The following RSPO3 variants were observed in gnomAD, a reference collection of about 807,000 sequenced individuals.
The protein encoded by RSPO3 is R-spondin-3.
Under a neutral mutation model 36.5 loss-of-function variants are expected in RSPO3, and 17 were observed. The observed-to-expected ratio is 0.47, with a 90% CI of 0.32 to 0.70. RSPO3 has a LOEUF of 0.70. Ranked by LOEUF, RSPO3 falls within the 30% of genes least tolerant of loss-of-function variation. RSPO3 has a pLI of 0.04. For missense variants in RSPO3, 294 were observed against 322.5 expected (o/e 0.91, Z 0.68); for synonymous variants, 108 against 107.0 (o/e 1.01, Z -0.06).
At chr6:127,137,433 G>T (rs1774182221) in intron 1 of RSPO3, among the ~76,000 whole-genome samples, 1 of 152,072 alleles carries the variant, frequency 6.6e-6, no homozygotes, top group Non-Finnish European at 1.5e-5. Flanking sequence ...AATTGTATGG[G>T]CTTTCCCCAA....
Position 127,122,688 on chromosome 6 carries a change from G to T in RSPO3, c.97+3399G>T, listed in dbSNP as rs556648058. Among the ~76,000 whole-genome samples, 93 of 152,222 alleles carry T rather than the reference G, an allele frequency of 6.1e-4. 1 individual carries two copies. Among genetic ancestry groups the T allele is most frequent in the African/African-American group, 2.2e-3 (91 of 41,572 alleles). ...AAGTAATAAATTAGATGGTCTCAAGGCCATCATTTATTCAATAGGTTTAGA... is the reference window on the plus strand; with the variant it reads ...AAGTAATAAATTAGATGGTCTCAAGTCCATCATTTATTCAATAGGTTTAGA... On this transcript the variant is annotated intron_variant, in intron 1 of 4. Coordinates refer to ENST00000356698, the MANE Select transcript of RSPO3 (RefSeq NM_032784.5).
intron 1 of RSPO3, among the ~76,000 whole-genome samples, chr6:127,146,418 A>G (rs765791091): frequency 8.5e-5 from 13 of 152,154 alleles, no homozygotes; most frequent in Non-Finnish European, 1.6e-4. Context: ...TCATAATTTC[A>G]GTGGATACAG....
Position 127,156,562 on chromosome 6 carries a change from C to G in RSPO3, c.634+1124C>G, listed in dbSNP as rs146412799. On this transcript the variant is annotated intron_variant, in intron 4 of 4. Transcript: ENST00000356698. The stretch of plus-strand genomic sequence containing the variant: ...TCTGTAGTTGACCTTTCTTATTTCT[C>G]CATAGTTGACCTTTATTAGGTTATT... 2.0e-4 allele frequency among the ~76,000 whole-genome samples: 31 copies of G among 152,242 alleles called. 1 individual carries two copies. The East Asian group carries it at 5.2e-3, about 26-fold the overall frequency.
At chr6:127,144,108 G>A (rs1366983676) in intron 1 of RSPO3, among the ~76,000 whole-genome samples, 1 of 152,174 alleles carries the variant, frequency 6.6e-6, no homozygotes, top group African/African-American at 2.4e-5. Context: ...GTAGGTTTAA[G>A]TTATGTATCA....
At chr6:127,154,619 G>T (rs1277894487) in intron 3 of RSPO3, among the ~76,000 whole-genome samples, 3 of 152,168 alleles carry the variant, frequency 2.0e-5, no homozygotes, top group Non-Finnish European at 4.4e-5. Flanking sequence ...AGCAAAGGCA[G>T]TAAATAGTAG....
intron 1 of RSPO3, among the ~76,000 whole-genome samples, chr6:127,145,933 G>C (rs1774373953): frequency 6.6e-6 from 1 of 152,080 alleles, no homozygotes; most frequent in African/African-American, 2.4e-5. Flanking sequence ...CATATAAAAA[G>C]TAAAATCTCT....
chr6:127,188,959 G>A (rs1775352676), intron 4 of RSPO3, among the ~76,000 whole-genome samples: 1 of 152,094 alleles, frequency 6.6e-6, no homozygotes, highest in Non-Finnish European at 1.5e-5. Flanking sequence ...GAGGCAGAAG[G>A]GTGCTGTGGT....
At chr6:127,184,485 T>C (rs1775251044) in intron 4 of RSPO3, among the ~76,000 whole-genome samples, 1 of 151,644 alleles carries the variant, frequency 6.6e-6, no homozygotes. Context: ...GGAAGAGGAG[T>C]GAAATCTACT....
intron 1 of RSPO3, among the ~76,000 whole-genome samples, chr6:127,145,564 C>T (rs1774368104): frequency 6.6e-6 from 1 of 152,108 alleles, no homozygotes; most frequent in Non-Finnish European, 1.5e-5. Context: ...TACTTATGCA[C>T]CAGTTGCATC....
At chr6:127,162,672 T>G (rs1180238789) in intron 4 of RSPO3, among the ~76,000 whole-genome samples, 1 of 152,172 alleles carries the variant, frequency 6.6e-6, no homozygotes, top group Non-Finnish European at 1.5e-5. Flanking sequence ...ATTCTTTTCA[T>G]CATAGATCTT....
chr6:127,139,828 G>A (rs1469558444), intron 1 of RSPO3, among the ~76,000 whole-genome samples: 2 of 152,044 alleles, frequency 1.3e-5, no homozygotes, highest in Non-Finnish European at 2.9e-5. Flanking sequence ...CTTGGAGAAG[G>A]GGAAGCTTTC....
chr6:127,167,971 T>C (rs990283671), intron 4 of RSPO3, among the ~76,000 whole-genome samples: 3 of 152,172 alleles, frequency 2.0e-5, no homozygotes, highest in Non-Finnish European at 4.4e-5. Flanking sequence ...TAGTATTCCA[T>C]GGTGTATATG....
rs752920658 is a variant in RSPO3, at chr6:127,196,034, CATG to C, written c.*31_*33del. 222 of 1,547,790 alleles carry C rather than the reference CATG, an allele frequency of 1.4e-4. No homozygotes were observed. Among genetic ancestry groups the C allele is most frequent in the Non-Finnish European group, 1.9e-4 (218 of 1,143,202 alleles). ...GGGTTCCATGAGATTATTGTAGACT[CATG>C]ATGCTGCTATCTCAACCAGATGCCC... On this transcript the variant is annotated 3_prime_UTR_variant, in exon 5 of 5. Coordinates refer to ENST00000356698, the MANE Select transcript of RSPO3 (RefSeq NM_032784.5).
chr6:127,160,410 C>A (rs1331445266), intron 4 of RSPO3, among the ~76,000 whole-genome samples: 1 of 152,088 alleles, frequency 6.6e-6, no homozygotes, highest in Non-Finnish European at 1.5e-5. Flanking sequence ...CTTGGCTTAG[C>A]CCAGAAAAGA....
At chr6:127,156,123 T>C (rs1936809) in intron 4 of RSPO3, among the ~76,000 whole-genome samples, 83,473 of 151,904 alleles carry the variant, frequency 0.55, 23,078 homozygotes, top group African/African-American at 0.62. Context: ...TTTATGAATA[T>C]AGCAAAATCA....
Position 127,119,001 on chromosome 6 carries a change from A to G in RSPO3, c.-192A>G. 2.1e-6 allele frequency: 1 copy of G among 478,998 alleles called. No individual in the cohort carries two copies. Among genetic ancestry groups the G allele is most frequent in the Non-Finnish European group, 3.7e-6 (1 of 272,398 alleles). 29.7% of individuals were successfully genotyped at this position (478,998 alleles called of 1,614,324 possible). On this transcript the variant is annotated 5_prime_UTR_variant, in exon 1 of 5. Transcript: ENST00000356698. ...AGTGCTTGGATAATTTGAAAGTACA[A>G]TAGTTGGTTTCCCTGTCCACCCGCC...
intron 4 of RSPO3, among the ~76,000 whole-genome samples, chr6:127,157,002 T>C (rs1312760376): frequency 6.6e-6 from 1 of 152,196 alleles, no homozygotes; most frequent in Non-Finnish European, 1.5e-5. Flanking sequence ...ACATGGGTTA[T>C]TTAAAGAGAA....
At chr6:127,157,703 C>G (rs888787463) in intron 4 of RSPO3, among the ~76,000 whole-genome samples, 1 of 151,964 alleles carries the variant, frequency 6.6e-6, no homozygotes, top group African/African-American at 2.4e-5. Flanking sequence ...ATATGAATCA[C>G]ATTTACAATT....
At chr6:127,121,305 G>T (rs1773840409) in intron 1 of RSPO3, among the ~76,000 whole-genome samples, 1 of 152,244 alleles carries the variant, frequency 6.6e-6, no homozygotes, top group Non-Finnish European at 1.5e-5. Flanking sequence ...GCTGCCTCAG[G>T]GAGCTGTGGG....
Sources: gnomAD v4.1 joint callset for allele counts (sites outside exome capture counted in the v4.1 genomes callset) on GRCh38, gnomAD v4.1.1 for gene constraint, MANE v1.5 for transcripts, NCBI Gene and HGNC (gene_info 2026-07-23, HGNC 2026-07-21) for gene names.